The following CCDC134 variants were observed in gnomAD, a reference collection of about 807,000 sequenced individuals.
The protein encoded by CCDC134 is coiled-coil domain-containing protein 134.
CCDC134 carries 27 observed loss-of-function variants against 25.6 expected under a neutral mutation model. That is an observed-to-expected ratio of 1.05 (90% CI 0.78 to 1.45). The LOEUF is 1.45. Ranked by LOEUF, CCDC134 falls within the 40% of genes most tolerant of loss-of-function variation. The probability of loss-of-function intolerance (pLI) is 0.00; values close to 1 mark genes in which losing one functional copy is unlikely to be tolerated. For missense variants in CCDC134, 261 were observed against 286.7 expected, an observed-to-expected ratio of 0.91 and a Z score of 0.65; for synonymous variants, 110 against 115.0, an observed-to-expected ratio of 0.96 and a Z score of 0.28.
chr22:41,803,322 G>T (rs112821713), intron 1 of CCDC134, among the ~76,000 whole-genome samples: 1 of 152,068 alleles, frequency 6.6e-6, no homozygotes, highest in Non-Finnish European at 1.5e-5. Flanking sequence ...GGAAGGAGTG[G>T]CTCTCAAGGT....
Position 41,825,678 on chromosome 22 carries a change from T to C in CCDC134, c.565-20T>C. The C allele has an allele frequency of 1.9e-6, 3 of 1,613,750 alleles. No individual in the cohort carries two copies. Among genetic ancestry groups the C allele is most frequent in the Non-Finnish European group, 2.5e-6 (3 of 1,179,754 alleles). ...TTTGCTGCCACAGACTAAATCAGAC[T>C]GCTCTTCTCTTCCCTTCAGTTCATT... On this transcript the variant is annotated intron_variant, in intron 6 of 6. Coordinates refer to ENST00000255784, the MANE Select transcript of CCDC134 (RefSeq NM_024821.5). The surrounding 1 kb of genome is among the most constrained non-coding windows in gnomAD (Gnocchi z 4.4).
intron 1 of CCDC134, among the ~76,000 whole-genome samples, chr22:41,807,704 A>G (rs2076575365): frequency 6.6e-6 from 1 of 152,204 alleles, no homozygotes; most frequent in Non-Finnish European, 1.5e-5. Context: ...ATCACCAGGA[A>G]AGTGAACTTC....
intron 1 of CCDC134, among the ~76,000 whole-genome samples, chr22:41,804,759 T>G (rs1376237007): frequency 6.6e-6 from 1 of 152,220 alleles, no homozygotes; most frequent in Non-Finnish European, 1.5e-5. Context: ...ATAAGCAATA[T>G]TTGTTGTATT....
rs773495921 is a variant in CCDC134, at chr22:41,810,260, GC to G, written c.282del (p.Phe95SerfsTer7). The G allele has an allele frequency of 6.2e-7, 1 of 1,614,038 alleles. No homozygotes were observed. The highest frequency in any genetic ancestry group is 8.5e-7 in the Non-Finnish European group (1 of 1,180,002). On this transcript the variant is annotated frameshift_variant, in exon 4 of 7. Coordinates refer to ENST00000255784, the MANE Select transcript of CCDC134 (RefSeq NM_024821.5). LOFTEE classifies it high-confidence loss of function. ...LTAADVLPDG[P>X]FPQDEKLKDA... ...CCGCTGCTGATGTGCTCCCAGATGG[GC>G]CCTTCCCCCAGGACGAGAAGCTGAA...
At chr22:41,818,131 G>A (rs1485550650) in intron 6 of CCDC134, among the ~76,000 whole-genome samples, 1 of 152,194 alleles carries the variant, frequency 6.6e-6, no homozygotes. Flanking sequence ...GGGAAAAGGT[G>A]CATCAGGCAA....
At chr22:41,821,907 G>A (rs2076654171) in intron 6 of CCDC134, among the ~76,000 whole-genome samples, 1 of 152,184 alleles carries the variant, frequency 6.6e-6, no homozygotes, top group Non-Finnish European at 1.5e-5. Context: ...TCCTCTCTGT[G>A]AGATAGAAAG....
chr22:41,826,420 G>A lies in CCDC134; in HGVS notation c.*597G>A, dbSNP rs567821879. 366 of 152,542 alleles carry A rather than the reference G, an allele frequency of 2.4e-3. 2 individuals carry two copies. Among genetic ancestry groups the A allele is most frequent in the Non-Finnish European group, 3.3e-3 (224 of 68,188 alleles). The allele number at this position is 152,542 out of a possible 1,614,324, so 9.4% of individuals were successfully genotyped here. ...CCCTGGCAGGGCAGAGAAGGAAGGG[G>A]CTTGGCTTGGGCCTCCTGGTCCTAC... On this transcript the variant is annotated 3_prime_UTR_variant, in exon 7 of 7. Coordinates refer to ENST00000255784, the MANE Select transcript of CCDC134 (RefSeq NM_024821.5).
At chr22:41,817,402 C>A (rs531177947) in intron 6 of CCDC134, among the ~76,000 whole-genome samples, 1 of 152,234 alleles carries the variant, frequency 6.6e-6, no homozygotes, top group Admixed American at 6.5e-5. Flanking sequence ...TTTGTCACCA[C>A]AATTTGTTTC....
intron 6 of CCDC134, among the ~76,000 whole-genome samples, chr22:41,823,330 T>C (rs1390427173): frequency 1.3e-5 from 2 of 151,332 alleles, no homozygotes; most frequent in Non-Finnish European, 2.9e-5. Flanking sequence ...GTTCAGGTGA[T>C]TCTCCTGTCT....
chr22:41,812,293 G>A (rs1187213649), intron 4 of CCDC134, among the ~76,000 whole-genome samples: 1 of 152,024 alleles, frequency 6.6e-6, no homozygotes, highest in African/African-American at 2.4e-5. Context: ...GTGGTGGCAT[G>A]CACCTGTAAT....
chr22:41,812,422 C>CA (rs36098937), intron 4 of CCDC134, among the ~76,000 whole-genome samples: 6,383 of 75,486 alleles, frequency 0.085, 520 homozygotes, highest in African/African-American at 0.24. Context: ...ACTCCGTCTC[C>CA]AAAAAAAAAA....
At chr22:41,817,719 A>T (rs2076629420) in intron 6 of CCDC134, among the ~76,000 whole-genome samples, 2 of 147,822 alleles carry the variant, frequency 1.4e-5, no homozygotes. Context: ...GCAACAGAGC[A>T]AGACTCTGTC....
rs373924812 is a variant in CCDC134, at chr22:41,810,114, C to T, written c.226-93C>T. The T allele has an allele frequency of 6.0e-5, 95 of 1,588,862 alleles. No individual in the cohort carries two copies. The African/African-American group carries it at 1.1e-3, about 18-fold the overall frequency. On this transcript the variant is annotated intron_variant, in intron 3 of 6. Coordinates refer to ENST00000255784, the MANE Select transcript of CCDC134 (RefSeq NM_024821.5). ...TTCAGGGACAGGGGAACTGCGCACA[C>T]GTAAGACTTGAAGTGGGGTTTAAAT... is the stretch of plus-strand genomic sequence containing the variant.
intron 4 of CCDC134, among the ~76,000 whole-genome samples, chr22:41,810,915 T>A (rs1425069472): frequency 8.5e-5 from 13 of 152,216 alleles, no homozygotes; most frequent in Non-Finnish European, 1.5e-5. Context: ...CACTGTTCTC[T>A]CTACTTTCTA....
intron 6 of CCDC134, among the ~76,000 whole-genome samples, chr22:41,816,273 A>G (rs2148314668): frequency 6.6e-6 from 1 of 152,338 alleles, no homozygotes; most frequent in African/African-American, 2.4e-5. Context: ...GTGGAGCTTC[A>G]GCCTCAGTTG....
intron 6 of CCDC134, among the ~76,000 whole-genome samples, chr22:41,822,147 G>T (rs756866774): frequency 1.3e-5 from 2 of 152,110 alleles, no homozygotes; most frequent in African/African-American, 4.8e-5. Context: ...GGCAGAGCAG[G>T]GTAGCTTGAA....
In CCDC134 at chr22:41,830,363, G is replaced by A. The variant is rs550649406; in HGVS notation, c.*4540G>A. Among the ~76,000 whole-genome samples the A allele has an allele frequency of 1.3e-5, 2 of 152,250 alleles. No homozygotes were observed. The highest frequency in any genetic ancestry group is 2.9e-5 in the Non-Finnish European group (2 of 68,044). ...GGCTCAGTGGGGAACTATGGGAGCA[G>A]GTGCTGTGTGCCACCTCTGGAGGGG... is the stretch of plus-strand genomic sequence containing the variant. On this transcript the variant is annotated 3_prime_UTR_variant, in exon 7 of 7. Coordinates refer to ENST00000255784, the MANE Select transcript of CCDC134 (RefSeq NM_024821.5).
At position 41,826,062 on chromosome 22, in the gene CCDC134, A is replaced by C; in HGVS notation, c.*239A>C. On this transcript the variant is annotated 3_prime_UTR_variant, in exon 7 of 7. Coordinates refer to ENST00000255784, the MANE Select transcript of CCDC134 (RefSeq NM_024821.5). ...CTTCAGAGGATTTTATGCTGGAAAT[A>C]TGACCCTGTGCAGACTGCTGGGGGA... The C allele has an allele frequency of 2.1e-6, 1 of 470,588 alleles. No homozygotes were observed. Among genetic ancestry groups the C allele is most frequent in the Admixed American group, 3.4e-5 (1 of 29,702 alleles). The allele number at this position is 470,588 out of a possible 1,614,324, so 29.2% of individuals were successfully genotyped here. A position where few individuals can be genotyped will look rare whatever the true frequency, so the allele number is the denominator to read the frequency against.
chr22:41,819,995 ATAT>A (rs2076642279), intron 6 of CCDC134, among the ~76,000 whole-genome samples: 1 of 132,956 alleles, frequency 7.5e-6, no homozygotes, highest in African/African-American at 3.0e-5. Context: ...ATATATATAT[ATAT>A]AATTTTTTTT....
Sources: allele counts gnomAD v4.1 joint callset (sites outside exome capture counted in the v4.1 genomes callset), GRCh38; gene constraint gnomAD v4.1.1; non-coding constraint Gnocchi (gnomAD v3.1); transcripts MANE v1.5; gene names NCBI Gene and HGNC (gene_info 2026-07-23, HGNC 2026-07-21).